USP32: variants seen among roughly 807,000 people sequenced by gnomAD.
USP32 encodes ubiquitin specific peptidase 32.
Under a neutral mutation model 204.8 loss-of-function variants are expected in USP32, and 59 were observed. The observed-to-expected ratio is 0.29, with a 90% CI of 0.23 to 0.36. USP32 has a LOEUF of 0.36. Among genes scored for constraint, USP32 ranks in the 10% least tolerant of loss-of-function variants. USP32 has a pLI of 1.00. For missense variants in USP32, 1,160 were observed against 1,946.4 expected (o/e 0.60, Z 7.60); for synonymous variants, 517 against 678.4 (o/e 0.76, Z 3.70).
intron 10 of USP32, among the ~76,000 whole-genome samples, chr17:60,252,747 T>C (rs2086200951): frequency 6.6e-6 from 1 of 152,226 alleles, no homozygotes; most frequent in African/African-American, 2.4e-5. Flanking sequence ...AGAATAATTC[T>C]TCTGACACTT....
intron 5 of USP32, among the ~76,000 whole-genome samples, chr17:60,283,829 G>T (rs1057096603): frequency 1.3e-5 from 2 of 152,104 alleles, no homozygotes; most frequent in Admixed American, 1.3e-4. Context: ...GTTCATCTAG[G>T]TATCACCTAC....
intron 3 of USP32, among the ~76,000 whole-genome samples, chr17:60,300,478 A>C (rs2087546084): frequency 6.6e-6 from 1 of 152,198 alleles, no homozygotes; most frequent in African/African-American, 2.4e-5. Flanking sequence ...TTTAAAGGTA[A>C]TGAATAAGGT....
chr17:60,234,315 G>A (rs1468345893), intron 12 of USP32, among the ~76,000 whole-genome samples: 2 of 151,116 alleles, frequency 1.3e-5, no homozygotes, highest in Non-Finnish European at 3.0e-5. Context: ...GGGTTTCACC[G>A]TGTTAGCCAG....
intron 5 of USP32, among the ~76,000 whole-genome samples, chr17:60,282,811 G>A (rs779287826): frequency 7.2e-5 from 11 of 152,172 alleles, no homozygotes; most frequent in Non-Finnish European, 1.5e-4. Flanking sequence ...GCAATCAAAT[G>A]TTTAAATCAA....
intron 1 of USP32, among the ~76,000 whole-genome samples, chr17:60,412,859 T>G (rs976976236): frequency 8.5e-5 from 13 of 152,290 alleles, no homozygotes; most frequent in Admixed American, 5.9e-4. Context: ...AAAGAAAACC[T>G]TCCAGAAAGA....
At chr17:60,360,687 A>G (rs1009210870) in intron 1 of USP32, among the ~76,000 whole-genome samples, 11 of 151,564 alleles carry the variant, frequency 7.3e-5, no homozygotes, top group Non-Finnish European at 1.6e-4. Flanking sequence ...AAAAACAAAC[A>G]AACAAAAACT....
At chr17:60,303,941 G>A (rs2087655246) in intron 2 of USP32, among the ~76,000 whole-genome samples, 1 of 152,048 alleles carries the variant, frequency 6.6e-6, no homozygotes, top group Admixed American at 6.6e-5. Context: ...TATCAATGAT[G>A]TAACATTCAA....
Position 60,265,419 on chromosome 17 carries a change from G to C in USP32, c.983C>G (p.Thr328Ser). The C allele has an allele frequency of 1.2e-6, 2 of 1,602,134 alleles. No individual in the cohort carries two copies. The highest frequency in any genetic ancestry group is 2.2e-5 in the South Asian group (2 of 90,524). The part of the protein sequence containing the change: ...IVEGILNAHD[T>S]TKMGHLTLED... ...AGTTCTATCTAGACTCACCTTTGTG[G>C]TGTCATGTGCATTCAGTATGCCTTC... Residue 328 changes from threonine (T) to serine (S), a missense_variant, in exon 9 of 34, where the codon ACC becomes AGC. Thr to Ser is a moderately conservative substitution (Grantham distance 58). Transcript: ENST00000300896.
intron 1 of USP32, among the ~76,000 whole-genome samples, chr17:60,402,466 G>C (rs1202391853): frequency 6.6e-6 from 1 of 152,040 alleles, no homozygotes; most frequent in Non-Finnish European, 1.5e-5. Flanking sequence ...GCCCAGACTG[G>C]TCTTGAACTT....
intron 11 of USP32, chr17:60,248,986 A>T (rs1192295367): frequency 6.6e-6 from 1 of 152,204 alleles, no homozygotes; most frequent in Non-Finnish European, 1.5e-5. Context: ...GACTTCCTGG[A>T]ACAATTCTGT....
chr17:60,213,594 G>T lies in USP32; in HGVS notation c.2091C>A (p.His697Gln). ...LEYLKIQDEQ[H>Q]LVIEVRNKDM... ...TCCATCTTGTACCTTCAATTACCAG[G>T]TGTTGTTCATCCTGGATTTTCAAAT... The change falls in exon 18 of 34, where the codon CAC (histidine) becomes CAA (glutamine). Residue 697 changes from histidine to glutamine, a missense_variant. This residue lies in a region of USP32 where 132 missense variants were observed against 432.8 expected (regional missense o/e 0.30). Coordinates refer to ENST00000300896, the MANE Select transcript of USP32 (RefSeq NM_032582.4). 7.6e-7 allele frequency: 1 copy of T among 1,323,610 alleles called. No individual in the cohort carries two copies. Among genetic ancestry groups the T allele is most frequent in the Non-Finnish European group, 1.0e-6 (1 of 972,046 alleles). 82.0% of individuals were successfully genotyped at this position (1,323,610 alleles called of 1,614,324 possible). A position where few individuals can be genotyped will look rare whatever the true frequency, so the allele number is the denominator to read the frequency against.
chr17:60,208,653 C>T lies in USP32; in HGVS notation c.2773+1G>A. On this transcript the variant is annotated splice_donor_variant, in intron 23 of 33. Transcript: ENST00000300896. LOFTEE classifies it high-confidence loss of function. ...TAATTTTTCAGAACTTTCTGACCTA[C>T]CTGTTATTTCTAAGTGCATATAACT... 1 of 1,487,910 alleles carries T rather than the reference C, an allele frequency of 6.7e-7. No individual in the cohort carries two copies. Among genetic ancestry groups the T allele is most frequent in the South Asian group, 1.4e-5 (1 of 71,506 alleles). 92.2% of individuals were successfully genotyped at this position (1,487,910 alleles called of 1,614,324 possible). A position where few individuals can be genotyped will look rare whatever the true frequency, so the allele number is the denominator to read the frequency against.
At chr17:60,310,052 A>G (rs1368727633) in intron 2 of USP32, among the ~76,000 whole-genome samples, 2 of 152,056 alleles carry the variant, frequency 1.3e-5, no homozygotes, top group Non-Finnish European at 2.9e-5. Context: ...AAGGAAAAAA[A>G]AAAGAAAGAA....
At chr17:60,237,492 G>A (rs8069309) in intron 11 of USP32, among the ~76,000 whole-genome samples, 6,741 of 152,110 alleles carry the variant, frequency 0.044, 537 homozygotes, top group African/African-American at 0.15. Context: ...ATGGCATTTA[G>A]TACATCCAAA....
At chr17:60,223,284 G>C (rs761516298) in intron 14 of USP32, 127 bp downstream of exon 14, 2 of 735,770 alleles carry the variant, frequency 2.7e-6, no homozygotes, top group Non-Finnish European at 4.4e-6. Flanking sequence ...TATACAAAGA[G>C]ATGTCCATCT....
intron 1 of USP32, among the ~76,000 whole-genome samples, chr17:60,373,133 C>T (rs904878084): frequency 6.6e-6 from 1 of 152,122 alleles, no homozygotes; most frequent in Non-Finnish European, 1.5e-5. Flanking sequence ...CTCGAGGCTA[C>T]AGTAAGCCAT....
chr17:60,222,663 G>T, intron 14 of USP32, 114 bp from the exon 15 acceptor site: 11 of 949,626 alleles, frequency 1.2e-5, no homozygotes, highest in Admixed American at 8.1e-5. Flanking sequence ...GTTTCATGTT[G>T]CTGGAAAAAC....
chr17:60,347,816 G>A (rs1264577669), intron 1 of USP32, among the ~76,000 whole-genome samples: 1 of 151,550 alleles, frequency 6.6e-6, no homozygotes. Flanking sequence ...TATGTAGACA[G>A]AGAATGTAAG....
upstream of USP32, chr17:60,392,189 C>G: frequency 1.9e-6 from 1 of 538,848 alleles, no homozygotes; most frequent in Non-Finnish European, 3.3e-6. Context: ...TCTCTCTCCT[C>G]TCTCTCCTCC....
Sources: gnomAD v4.1 joint callset for allele counts (sites outside exome capture counted in the v4.1 genomes callset) on GRCh38, gnomAD v4.1.1 for gene constraint, gnomAD v4.1.1 regional missense constraint, MANE v1.5 for transcripts, NCBI Gene and HGNC (gene_info 2026-07-23, HGNC 2026-07-21) for gene names.